Variants in ABCB1 observed in about 807,000 individuals in gnomAD.
The protein encoded by ABCB1 is ATP-dependent translocase ABCB1.
Under a neutral mutation model 142.0 loss-of-function variants are expected in ABCB1, and 69 were observed. The ratio of observed to expected loss-of-function variants is 0.49; its 90% confidence interval spans 0.40 to 0.59. The LOEUF (loss-of-function observed/expected upper bound fraction) is 0.59. ABCB1 is among the 20% of genes least tolerant of loss of function. The probability of loss-of-function intolerance (pLI) is 0.00; values close to 1 mark genes in which losing one functional copy is unlikely to be tolerated. For synonymous variants in ABCB1, 532 were observed against 539.2 expected, an observed-to-expected ratio of 0.99 and a Z score of 0.18; for missense variants, 1,326 against 1,554.7, an observed-to-expected ratio of 0.85 and a Z score of 2.47.
intron 1 of ABCB1, among the ~76,000 whole-genome samples, chr7:87,671,194 G>A (rs1312949217): frequency 6.6e-6 from 1 of 152,180 alleles, no homozygotes; most frequent in Non-Finnish European, 1.5e-5. Context: ...GGGACCTGTG[G>A]GAGACGTACT....
At chr7:87,574,272 G>GC (rs781100820) in intron 4 of ABCB1, among the ~76,000 whole-genome samples, 1 of 152,090 alleles carries the variant, frequency 6.6e-6, no homozygotes, top group Non-Finnish European at 1.5e-5. Context: ...TTGACGGAAT[G>GC]CCTATGTAGA....
chr7:87,574,633 G>A, intron 4 of ABCB1, among the ~76,000 whole-genome samples: 1 of 151,932 alleles, frequency 6.6e-6, no homozygotes, highest in Non-Finnish European at 1.5e-5. Context: ...CTTCCTTCAA[G>A]GCTTTATCCA....
chr7:87,514,222 A>C (rs923441075), intron 25 of ABCB1, among the ~76,000 whole-genome samples: 2 of 152,156 alleles, frequency 1.3e-5, no homozygotes, highest in South Asian at 4.1e-4. Context: ...CATCCATCTG[A>C]CTTGTACTAG....
intron 1 of ABCB1, among the ~76,000 whole-genome samples, chr7:87,683,839 G>A (rs1405776163): frequency 6.6e-6 from 1 of 152,092 alleles, no homozygotes; most frequent in East Asian, 1.9e-4. Flanking sequence ...AACCTTCAAC[G>A]TGTAAAAAAT....
intron 4 of ABCB1, among the ~76,000 whole-genome samples, chr7:87,572,013 T>C (rs983670700): frequency 1.3e-5 from 2 of 152,216 alleles, no homozygotes; most frequent in African/African-American, 4.8e-5. Flanking sequence ...TGCTTTGCCT[T>C]ATGTCAATAC....
chr7:87,541,710 A>G (rs1356150397), intron 17 of ABCB1, among the ~76,000 whole-genome samples: 1 of 152,230 alleles, frequency 6.6e-6, no homozygotes, highest in Admixed American at 6.5e-5. Context: ...TCTTGGAGTC[A>G]TGAGTGCCAC....
chr7:87,610,396 C>CCTTTTTTTTTTTTTTTTTTTTTTT (rs1563073888), intron 1 of ABCB1, among the ~76,000 whole-genome samples: 1 of 73,810 alleles, frequency 1.4e-5, no homozygotes. Flanking sequence ...CACACCTGGC[C>CCTTTTTTTTTTTTTTTTTTTTTTT]TTTTTTTTTT....
intron 3 of ABCB1, among the ~76,000 whole-genome samples, chr7:87,587,739 G>A (rs1043034517): frequency 6.6e-6 from 1 of 152,006 alleles, no homozygotes; most frequent in Non-Finnish European, 1.5e-5. Context: ...GCCGGATGTG[G>A]TGGCAGGCGC....
At position 87,516,382 on chromosome 7, in the gene ABCB1, T is replaced by G. The variant is rs1053509965; in HGVS notation, c.3084+127A>C. ...TATTATTAGCAGTAATTGAAAGGAA[T>G]CTATGATCTAGGAAGTTTTATTTTA... On this transcript the variant is annotated intron_variant, in intron 24 of 27. Coordinates refer to ENST00000622132, the MANE Select transcript of ABCB1 (RefSeq NM_001348946.2). The G allele has an allele frequency of 4.7e-5, 56 of 1,202,158 alleles. No homozygotes were observed. In the South Asian group the frequency reaches 6.9e-4, roughly 15 times the overall value. 74.5% of individuals were successfully genotyped at this position (1,202,158 alleles called of 1,614,324 possible).
chr7:87,661,198 A>G (rs1349287025), intron 1 of ABCB1, among the ~76,000 whole-genome samples: 2 of 151,988 alleles, frequency 1.3e-5, no homozygotes, highest in African/African-American at 4.8e-5. Flanking sequence ...CACAATGTGT[A>G]ATAATCACAT....
chr7:87,624,976 G>C (rs1820354858), intron 1 of ABCB1, among the ~76,000 whole-genome samples: 1 of 152,212 alleles, frequency 6.6e-6, no homozygotes, highest in South Asian at 2.1e-4. Flanking sequence ...TAACGTTATG[G>C]CTGGGCGCGG....
intron 4 of ABCB1, among the ~76,000 whole-genome samples, chr7:87,584,369 T>A (rs1030011639): frequency 6.6e-6 from 1 of 152,194 alleles, no homozygotes; most frequent in Non-Finnish European, 1.5e-5. Flanking sequence ...GTAAGCTAAG[T>A]GGTATCACTA....
chr7:87,587,082 A>AT (rs1818790126), intron 3 of ABCB1, among the ~76,000 whole-genome samples: 1 of 152,064 alleles, frequency 6.6e-6, no homozygotes, highest in African/African-American at 2.4e-5. Context: ...GTTTTGGCAT[A>AT]TTTTTTCATA....
chr7:87,516,731 CTTTTTT>C (rs546527484), intron 23 of ABCB1, 66 bp from the exon 24 acceptor site: 816 of 805,200 alleles, frequency 1.0e-3, no homozygotes, highest in Non-Finnish European at 1.1e-3. Flanking sequence ...GCTGACACTC[CTTTTTT>C]TTTTTTTTTT....
upstream of ABCB1, among the ~76,000 whole-genome samples, chr7:87,602,727 G>T (rs1397129347): frequency 6.6e-6 from 1 of 152,144 alleles, no homozygotes; most frequent in Non-Finnish European, 1.5e-5. Context: ...GAATAACACA[G>T]ATTTTAAAAA....
intron 16 of ABCB1, 23 bp downstream of exon 16, chr7:87,544,800 A>C: frequency 6.2e-7 from 1 of 1,613,638 alleles, no homozygotes; most frequent in Non-Finnish European, 8.5e-7. Context: ...AGATTAAAAC[A>C]AACTCCGCAT....
chr7:87,629,514 G>T (rs1027152634), intron 1 of ABCB1, among the ~76,000 whole-genome samples: 1 of 151,956 alleles, frequency 6.6e-6, no homozygotes, highest in African/African-American at 2.4e-5. Flanking sequence ...ATTAAGAGTG[G>T]GACTGTGGAG....
At chr7:87,686,867 C>T (rs1827514848) in intron 1 of ABCB1, among the ~76,000 whole-genome samples, 1 of 150,870 alleles carries the variant, frequency 6.6e-6, no homozygotes, top group Non-Finnish European at 1.5e-5. Context: ...GTCACCTGAG[C>T]CCAAGGAGAC....
intron 4 of ABCB1, among the ~76,000 whole-genome samples, chr7:87,580,527 T>C (rs1055471949): frequency 6.6e-6 from 1 of 152,192 alleles, no homozygotes; most frequent in Non-Finnish European, 1.5e-5. Flanking sequence ...TATCTTGAGG[T>C]AGTCTTATTT....
Sources: allele counts gnomAD v4.1 joint callset (sites outside exome capture counted in the v4.1 genomes callset), GRCh38; gene constraint gnomAD v4.1.1; transcripts MANE v1.5; gene names NCBI Gene and HGNC (gene_info 2026-07-23, HGNC 2026-07-21).